The following MAGEC3 variants were observed in gnomAD, a reference collection of about 807,000 sequenced individuals.
MAGEC3 encodes the protein MAGE family member C3.
In MAGEC3, 34 loss-of-function variants were observed where a neutral mutation model predicts 35.3. That is an observed-to-expected ratio of 0.96 (90% CI 0.73 to 1.28). The LOEUF (loss-of-function observed/expected upper bound fraction) is 1.28. Ranked by LOEUF, MAGEC3 falls within the 50% of genes most tolerant of loss-of-function variation. MAGEC3 has a pLI of 0.00. For synonymous variants in MAGEC3, 202 were observed against 185.6 expected, an observed-to-expected ratio of 1.09 and a Z score of -0.72; for missense variants, 561 against 483.6, an observed-to-expected ratio of 1.16 and a Z score of -1.50.
intron 1 of MAGEC3, 136 bp downstream of exon 1, chrX:141,838,574 G>A (rs890778537): frequency 2.9e-6 from 3 of 1,048,829 alleles, no homozygotes; most frequent in African/African-American, 3.7e-5. Flanking sequence ...ATGCTATCTT[G>A]CCCAGCCTTG....
At chrX:141,846,784 G>A (rs1377421355) in intron 1 of MAGEC3, among the ~76,000 whole-genome samples, 1 of 110,872 alleles carries the variant, frequency 9.0e-6, no homozygotes, top group East Asian at 2.8e-4. Flanking sequence ...GACAGTTGTT[G>A]TCATTTAATG....
At chrX:141,841,418 A>C (rs111312750) in intron 1 of MAGEC3, among the ~76,000 whole-genome samples, 2,742 of 111,929 alleles carry the variant, frequency 0.024, 79 homozygotes, top group African/African-American at 0.084. Context: ...GTTATTATAC[A>C]TATTACCTGG....
At chrX:141,880,685 T>C in intron 3 of MAGEC3, 1 of 459,469 alleles carries the variant, frequency 2.2e-6, no homozygotes, top group East Asian at 4.7e-5. Flanking sequence ...CATAGCCACC[T>C]ACTGCCATTC....
chrX:141,850,532 T>G (rs1285932907), intron 1 of MAGEC3, among the ~76,000 whole-genome samples: 1 of 111,130 alleles, frequency 9.0e-6, no homozygotes, highest in African/African-American at 3.3e-5. Context: ...AAGTCAATAT[T>G]TATTCTATTA....
intron 1 of MAGEC3, among the ~76,000 whole-genome samples, chrX:141,861,990 A>C (rs1482387151): frequency 8.9e-5 from 10 of 111,956 alleles, no homozygotes. Context: ...AACAAAGTGA[A>C]GAGACAATTC....
chrX:141,849,058 G>A (rs1379647531), intron 1 of MAGEC3, among the ~76,000 whole-genome samples: 1 of 111,084 alleles, frequency 9.0e-6, no homozygotes, highest in Non-Finnish European at 1.9e-5. Flanking sequence ...AAACATGGTA[G>A]TGGTATAAAA....
At chrX:141,854,324 A>T (rs2017768034) in intron 1 of MAGEC3, among the ~76,000 whole-genome samples, 1 of 111,075 alleles carries the variant, frequency 9.0e-6, no homozygotes, top group Non-Finnish European at 1.9e-5. Flanking sequence ...GGTCAAGAAA[A>T]CTACCTGTGA....
chrX:141,880,214 C>G (rs745894869), intron 3 of MAGEC3, among the ~76,000 whole-genome samples: 15 of 111,884 alleles, frequency 1.3e-4, no homozygotes, highest in Admixed American at 8.5e-4. Context: ...TGCATCAGAA[C>G]AGATGTGAGG....
chrX:141,895,173 G>A (rs1484850336), intron 4 of MAGEC3, 96 bp from the exon 5 acceptor site: 12 of 978,628 alleles, frequency 1.2e-5, no homozygotes, highest in Middle Eastern at 3.9e-4. Flanking sequence ...AGTGGAGTGC[G>A]GGGAAGTGGT....
intron 1 of MAGEC3, among the ~76,000 whole-genome samples, chrX:141,858,889 A>G (rs1241501884): frequency 9.0e-6 from 1 of 111,044 alleles, no homozygotes; most frequent in African/African-American, 3.3e-5. Context: ...TTTTTAAAAA[A>G]TGAAATATTA....
intron 4 of MAGEC3, among the ~76,000 whole-genome samples, chrX:141,885,663 C>CAAAAAA (rs35973319): frequency 2.2e-4 from 9 of 40,994 alleles, no homozygotes; most frequent in South Asian, 5.4e-3. Flanking sequence ...GACTTCGTCT[C>CAAAAAA]AAAAAAAAAA....
chrX:141,879,005 C>G (rs974356869), intron 2 of MAGEC3, among the ~76,000 whole-genome samples, 170 bp from the exon 3 acceptor site: 1 of 112,226 alleles, frequency 8.9e-6, no homozygotes, highest in African/African-American at 3.2e-5. Flanking sequence ...TCTCTTGCAC[C>G]TTGCAGGTCT....
chrX:141,858,185 T>C (rs2017793353), intron 1 of MAGEC3, among the ~76,000 whole-genome samples: 4 of 111,734 alleles, frequency 3.6e-5, no homozygotes, highest in African/African-American at 1.3e-4. Flanking sequence ...CATTAAAGTT[T>C]GTTGTTACCA....
chrX:141,858,758 T>C (rs774508767), intron 1 of MAGEC3, among the ~76,000 whole-genome samples: 5 of 110,639 alleles, frequency 4.5e-5, no homozygotes, highest in Non-Finnish European at 9.5e-5. Flanking sequence ...CCCACACATA[T>C]ATAAAACTAT....
Position 141,865,543 on chromosome X carries a change from C to T in MAGEC3, c.196C>T (p.Leu66=). 8.3e-7 allele frequency: 1 copy of T among 1,210,602 alleles called. No homozygotes were observed. The highest frequency in any genetic ancestry group is 1.1e-6 in the Non-Finnish European group (1 of 894,950). Residue 66 remains leucine (L), a synonymous_variant, in exon 2 of 8, where the codon CTG becomes TTG. Transcript: ENST00000298296. The part of the protein sequence containing the change: ...LGHLREVRLF[L]RGGTSDQRMD... ...GCATCTGAGGGAGGTGAGGCTTTTT[C>T]TGAGGGGTGGAACTTCAGATCAGCG...
At chrX:141,876,248 T>C (rs1347334075) in intron 2 of MAGEC3, among the ~76,000 whole-genome samples, 1 of 111,967 alleles carries the variant, frequency 8.9e-6, no homozygotes, top group East Asian at 2.8e-4. Context: ...TTCATGACTT[T>C]CTGGAGTAGA....
intron 2 of MAGEC3, among the ~76,000 whole-genome samples, chrX:141,867,972 A>G: frequency 9.0e-6 from 1 of 110,742 alleles, no homozygotes; most frequent in Admixed American, 9.6e-5. Flanking sequence ...AATACAAAAA[A>G]ATTAGCCAGG....
At chrX:141,875,832 C>G (rs1335396840) in intron 2 of MAGEC3, among the ~76,000 whole-genome samples, 1 of 112,056 alleles carries the variant, frequency 8.9e-6, no homozygotes, top group African/African-American at 3.3e-5. Context: ...GAAGAGCTTC[C>G]TTGTCTGTGG....
intron 4 of MAGEC3, among the ~76,000 whole-genome samples, chrX:141,888,731 A>G: frequency 8.9e-6 from 1 of 111,944 alleles, no homozygotes; most frequent in Non-Finnish European, 1.9e-5. Flanking sequence ...GCTCTGCAAC[A>G]TGGACTTGCA....
Sources: allele counts gnomAD v4.1 joint callset (sites outside exome capture counted in the v4.1 genomes callset), GRCh38; gene constraint gnomAD v4.1.1; transcripts MANE v1.5; gene names NCBI Gene and HGNC (gene_info 2026-07-23, HGNC 2026-07-21).